The following KSR2 variants were observed in gnomAD, a reference collection of about 807,000 sequenced individuals.
KSR2 encodes the protein kinase suppressor of ras 2.
KSR2 carries 25 observed loss-of-function variants against 107.8 expected under a neutral mutation model. The observed-to-expected ratio is 0.23, with a 90% confidence interval of 0.17 to 0.32. KSR2 has a LOEUF of 0.32. KSR2 is among the 10% of genes least tolerant of loss of function. The probability of loss-of-function intolerance (pLI) is 1.00; values close to 1 mark genes in which losing one functional copy is unlikely to be tolerated. For synonymous variants in KSR2, 480 were observed against 507.0 expected (o/e 0.95, Z 0.71); for missense variants, 887 against 1,268.9 (o/e 0.70, Z 4.57).
At chr12:117,772,826 G>A (rs528650545) in intron 3 of KSR2, among the ~76,000 whole-genome samples, 14 of 152,260 alleles carry the variant, frequency 9.2e-5, no homozygotes, top group Non-Finnish European at 1.5e-4. Context: ...CCGGGGCCAC[G>A]GGAACATCGA....
chr12:117,837,506 G>T (rs1453527270), intron 3 of KSR2, among the ~76,000 whole-genome samples: 3 of 152,158 alleles, frequency 2.0e-5, no homozygotes, highest in African/African-American at 7.2e-5. Context: ...AGGCATCCCA[G>T]TGTCTACGGC....
At chr12:117,899,335 TA>T (rs1459416354) in intron 1 of KSR2, among the ~76,000 whole-genome samples, 2 of 151,258 alleles carry the variant, frequency 1.3e-5, no homozygotes, top group Non-Finnish European at 2.9e-5. Flanking sequence ...TCTACAAAAA[TA>T]AAAAAAATTA....
intron 1 of KSR2, among the ~76,000 whole-genome samples, chr12:117,901,625 T>A (rs1395796975): frequency 6.6e-6 from 1 of 152,126 alleles, no homozygotes; most frequent in Non-Finnish European, 1.5e-5. Context: ...TTTTAAAAAT[T>A]AAAACGCAAA....
chr12:117,468,436 A>G (rs1056334624), intron 19 of KSR2, among the ~76,000 whole-genome samples: 2 of 152,324 alleles, frequency 1.3e-5, no homozygotes, highest in Middle Eastern at 3.4e-3. Context: ...TGCTCCTTCC[A>G]ATGGTCTGGG....
chr12:117,961,184 G>T (rs951898369), intron 1 of KSR2, among the ~76,000 whole-genome samples: 2 of 152,142 alleles, frequency 1.3e-5, no homozygotes, highest in Non-Finnish European at 2.9e-5. Context: ...GGGAACGCAA[G>T]CATAAGGGAA....
At chr12:117,582,242 T>C (rs761760075) in intron 6 of KSR2, 48 bp downstream of exon 6, 5 of 1,548,342 alleles carry the variant, frequency 3.2e-6, no homozygotes, top group Non-Finnish European at 4.5e-6. Flanking sequence ...CCCCCACCCC[T>C]CACAGAGCTG....
intron 1 of KSR2, among the ~76,000 whole-genome samples, chr12:117,865,068 TAATAAA>T (rs1893427614): frequency 6.6e-6 from 1 of 151,674 alleles, no homozygotes; most frequent in Non-Finnish European, 1.5e-5. Flanking sequence ...TCTCAAAAAA[TAATAAA>T]AATAATTAAT....
intron 5 of KSR2, among the ~76,000 whole-genome samples, chr12:117,609,497 T>A (rs549676520): frequency 6.6e-6 from 1 of 152,382 alleles, no homozygotes; most frequent in African/African-American, 2.4e-5. Flanking sequence ...TGGTTTTACA[T>A]TTTTAATGGC....
chr12:117,915,723 C>G (rs1895152296), intron 1 of KSR2, among the ~76,000 whole-genome samples: 1 of 152,120 alleles, frequency 6.6e-6, no homozygotes, highest in Non-Finnish European at 1.5e-5. Flanking sequence ...TCTTTCAAAA[C>G]CTGATTCAGA....
At chr12:117,886,769 TAC>T (rs1452886898) in intron 1 of KSR2, among the ~76,000 whole-genome samples, 2 of 152,162 alleles carry the variant, frequency 1.3e-5, no homozygotes, top group South Asian at 4.1e-4. Flanking sequence ...ACAATATACA[TAC>T]ACACATATAG....
intron 3 of KSR2, among the ~76,000 whole-genome samples, chr12:117,784,123 T>C (rs1043958690): frequency 8.5e-5 from 13 of 152,214 alleles, no homozygotes; most frequent in Non-Finnish European, 1.9e-4. Context: ...TGCTCAGGTT[T>C]GGGGTATGAA....
intron 1 of KSR2, among the ~76,000 whole-genome samples, chr12:117,866,753 C>T (rs866691382): frequency 4.5e-4 from 69 of 152,060 alleles, no homozygotes; most frequent in Admixed American, 4.6e-4. Flanking sequence ...CGCTTGAACC[C>T]GGGAGGCGGA....
chr12:117,707,625 A>C (rs151241429), intron 4 of KSR2, among the ~76,000 whole-genome samples: 84 of 152,256 alleles, frequency 5.5e-4, no homozygotes, highest in African/African-American at 1.9e-3. Flanking sequence ...GCAGAAAACA[A>C]ATGAAGTTAC....
At chr12:117,481,569 C>T (rs1872180717) in intron 16 of KSR2, among the ~76,000 whole-genome samples, 1 of 152,166 alleles carries the variant, frequency 6.6e-6, no homozygotes, top group Non-Finnish European at 1.5e-5. Flanking sequence ...TTTCAGCCTC[C>T]AGAACTGTAA....
chr12:117,837,513 C>T (rs895181010), intron 3 of KSR2, among the ~76,000 whole-genome samples: 1 of 152,098 alleles, frequency 6.6e-6, no homozygotes, highest in African/African-American at 2.4e-5. Flanking sequence ...CCAGTGTCTA[C>T]GGCCAAGCAG....
Position 117,827,592 on chromosome 12 carries a change from A to G in KSR2, c.472+27836T>C, listed in dbSNP as rs1261955954. The stretch of plus-strand genomic sequence containing the variant: ...TCTGGCACAGATCAAATAATTGATC[A>G]ATGTCAACTTGGTTTCAAATAGTTG... On this transcript the variant is annotated intron_variant, in intron 3 of 19. Transcript: ENST00000339824. Among the ~76,000 whole-genome samples the G allele has an allele frequency of 9.2e-5, 14 of 152,386 alleles. No individual in the cohort carries two copies. In the South Asian group the frequency reaches 1.7e-3, roughly 18 times the overall value.
At chr12:117,662,238 T>C (rs1216409883) in intron 5 of KSR2, among the ~76,000 whole-genome samples, 26 of 152,208 alleles carry the variant, frequency 1.7e-4, no homozygotes, top group Admixed American at 1.7e-3. Flanking sequence ...CTTCCAATTC[T>C]GAGACAAGAC....
intron 1 of KSR2, among the ~76,000 whole-genome samples, chr12:117,935,964 C>T (rs1177832653): frequency 6.6e-6 from 1 of 152,130 alleles, no homozygotes; most frequent in Admixed American, 6.6e-5. Flanking sequence ...TTCATGAAGC[C>T]TGCTCTGCTT....
intron 16 of KSR2, among the ~76,000 whole-genome samples, chr12:117,482,551 C>T (rs1375392390): frequency 6.6e-6 from 1 of 152,090 alleles, no homozygotes; most frequent in Non-Finnish European, 1.5e-5. Context: ...CTGGCTGGGG[C>T]AGGGGTGGGA....
Sources: allele counts gnomAD v4.1 joint callset (sites outside exome capture counted in the v4.1 genomes callset), GRCh38; gene constraint gnomAD v4.1.1; transcripts MANE v1.5; gene names NCBI Gene and HGNC (gene_info 2026-07-23, HGNC 2026-07-21).